Variants in RGS5 observed in about 807,000 individuals in gnomAD.
RGS5 encodes the protein regulator of G protein signaling 5.
In RGS5, 20 loss-of-function variants were observed where a neutral mutation model predicts 18.9. That is an observed-to-expected ratio of 1.06 (90% CI 0.74 to 1.54). The LOEUF is 1.54. RGS5 is among the 40% of genes most tolerant of loss of function. The pLI, the probability that RGS5 is intolerant of heterozygous loss-of-function variation, is 0.00. For synonymous variants in RGS5, 57 were observed against 76.2 expected (o/e 0.75, Z 1.31); for missense variants, 201 against 211.8 (o/e 0.95, Z 0.32).
upstream of RGS5, among the ~76,000 whole-genome samples, chr1:163,205,563 T>C (rs1036378050): frequency 6.6e-6 from 1 of 152,066 alleles, no homozygotes; most frequent in East Asian, 1.9e-4. Flanking sequence ...CTTCATGGAA[T>C]GTGAAAAGAG....
intron 2 of RGS5, among the ~76,000 whole-genome samples, chr1:163,271,702 T>A (rs1485712166): frequency 1.3e-5 from 2 of 152,186 alleles, no homozygotes; most frequent in African/African-American, 4.8e-5. Flanking sequence ...TTGATGGACA[T>A]TTGGATTGTT....
At chr1:163,192,653 T>C (rs1659405158) in intron 1 of RGS5, among the ~76,000 whole-genome samples, 1 of 152,208 alleles carries the variant, frequency 6.6e-6, no homozygotes, top group Admixed American at 6.5e-5. Context: ...TGAGGGTATA[T>C]GTGTGTAAGT....
At chr1:163,259,495 C>A (rs545691811) in intron 2 of RGS5, among the ~76,000 whole-genome samples, 110 of 152,210 alleles carry the variant, frequency 7.2e-4, no homozygotes, top group Non-Finnish European at 1.3e-3. Context: ...ATCTCACAGT[C>A]CCTGAGGAAA....
At chr1:163,193,596 C>G (rs1013172661) in intron 1 of RGS5, among the ~76,000 whole-genome samples, 9 of 152,078 alleles carry the variant, frequency 5.9e-5, no homozygotes. Flanking sequence ...CCAGGAAAGA[C>G]CCAATTTCTA....
chr1:163,238,507 C>A (rs4657253), intron 2 of RGS5: 7,744 of 154,344 alleles, frequency 0.05, 233 homozygotes, highest in South Asian at 0.093. Flanking sequence ...TTTGAACTTT[C>A]CTCTTAATAT....
At chr1:163,174,918 C>T (rs560329014) in intron 1 of RGS5, among the ~76,000 whole-genome samples, 1 of 152,242 alleles carries the variant, frequency 6.6e-6, no homozygotes, top group Non-Finnish European at 1.5e-5. Context: ...CAACACATTT[C>T]CAAAAGAGGT....
chr1:163,229,583 C>T (rs994571045), intron 2 of RGS5, among the ~76,000 whole-genome samples: 1 of 152,236 alleles, frequency 6.6e-6, no homozygotes, highest in Non-Finnish European at 1.5e-5. Context: ...CTGTCTTCTA[C>T]TCCCCTTCCT....
At chr1:163,321,002 A>T (rs1373396819) in intron 1 of RGS5, among the ~76,000 whole-genome samples, 1 of 152,180 alleles carries the variant, frequency 6.6e-6, no homozygotes, top group Non-Finnish European at 1.5e-5. Flanking sequence ...CCCAAACCTC[A>T]ATAAAACTTA....
chr1:163,320,682 T>A (rs1461405320), intron 1 of RGS5, among the ~76,000 whole-genome samples: 2 of 152,220 alleles, frequency 1.3e-5, no homozygotes, highest in Non-Finnish European at 2.9e-5. Flanking sequence ...ATTTTCTTAA[T>A]GTCCTTTTGG....
At chr1:163,207,088 A>T (rs1235015619), upstream of RGS5, among the ~76,000 whole-genome samples, 2 of 152,200 alleles carry the variant, frequency 1.3e-5, no homozygotes, top group African/African-American at 4.8e-5. Flanking sequence ...GCATGAGATA[A>T]GTGGTATAAT....
At chr1:163,206,196 T>C (rs1659949869), upstream of RGS5, among the ~76,000 whole-genome samples, 1 of 152,198 alleles carries the variant, frequency 6.6e-6, no homozygotes, top group Non-Finnish European at 1.5e-5. Flanking sequence ...TCCCTGGACT[T>C]TATATTAAAT....
At chr1:163,150,231 C>T (rs1441541898) in intron 4 of RGS5, among the ~76,000 whole-genome samples, 1 of 152,112 alleles carries the variant, frequency 6.6e-6, no homozygotes, top group East Asian at 1.9e-4. Flanking sequence ...CAACTAGTGA[C>T]CACAATTTAT....
intron 2 of RGS5, among the ~76,000 whole-genome samples, chr1:163,230,377 A>G (rs1186918335): frequency 6.6e-6 from 1 of 152,186 alleles, no homozygotes; most frequent in Non-Finnish European, 1.5e-5. Flanking sequence ...AGCCAGGCCA[A>G]AAAAAGAAAA....
At chr1:163,318,507 G>A (rs1650090377) in intron 1 of RGS5, among the ~76,000 whole-genome samples, 1 of 152,158 alleles carries the variant, frequency 6.6e-6, no homozygotes, top group South Asian at 2.1e-4. Flanking sequence ...AAGGGCTCGT[G>A]AGCCTCCCGA....
chr1:163,236,960 C>CAAA (rs36104212), intron 2 of RGS5, among the ~76,000 whole-genome samples: 3 of 127,134 alleles, frequency 2.4e-5, no homozygotes. Flanking sequence ...GACTGTGTCT[C>CAAA]AAAAAAAAAA....
At chr1:163,211,620 C>G (rs1660104735) in intron 1 of RGS5, 1 of 152,090 alleles carries the variant, frequency 6.6e-6, no homozygotes, top group Non-Finnish European at 1.5e-5. Flanking sequence ...TATCTAAACT[C>G]CACTCAACTA....
chr1:163,159,624 A>G (rs993117220), intron 3 of RGS5, among the ~76,000 whole-genome samples: 1 of 152,140 alleles, frequency 6.6e-6, no homozygotes, highest in African/African-American at 2.4e-5. Flanking sequence ...CGAATGGATT[A>G]GTGTCCCTTT....
intron 2 of RGS5, among the ~76,000 whole-genome samples, chr1:163,284,759 C>T (rs1649100063): frequency 6.6e-6 from 1 of 152,008 alleles, no homozygotes; most frequent in African/African-American, 2.4e-5. Context: ...CTCTCCAGCT[C>T]CCTCTCTTTG....
chr1:163,245,362 C>CA lies in RGS5; in HGVS notation c.-281+60870dup, dbSNP rs565304009. Among the ~76,000 whole-genome samples, 27 of 152,316 alleles carry CA rather than the reference C, an allele frequency of 1.8e-4. 1 individual carries two copies. In the South Asian group the frequency reaches 5.4e-3, roughly 30 times the overall value. The stretch of plus-strand genomic sequence containing the variant: ...GCCCAGAATTATCTTTTCCCCATGA[C>CA]AACTTGTTGAAAACATTTTCTTTTG... On this transcript the variant is annotated intron_variant, in intron 2 of 5. Transcript: ENST00000618415.
Sources: gnomAD v4.1 joint callset for allele counts (sites outside exome capture counted in the v4.1 genomes callset) on GRCh38, gnomAD v4.1.1 for gene constraint, MANE v1.5 for transcripts, NCBI Gene and HGNC (gene_info 2026-07-23, HGNC 2026-07-21) for gene names.